Variants in LRP1B observed in about 807,000 individuals in gnomAD.
LRP1B encodes the protein low-density lipoprotein receptor-related protein 1B.
In LRP1B, 217 loss-of-function variants were observed where a neutral mutation model predicts 556.6. The observed-to-expected ratio is 0.39, with a 90% CI of 0.35 to 0.44. LRP1B has a LOEUF of 0.44. Ranked by LOEUF, LRP1B falls within the 20% of genes least tolerant of loss-of-function variation. LRP1B has a pLI of 1.00. For missense variants in LRP1B, 5,053 were observed against 5,620.8 expected, an observed-to-expected ratio of 0.90 and a Z score of 3.23; for synonymous variants, 2,047 against 1,865.8, an observed-to-expected ratio of 1.10 and a Z score of -2.50.
chr2:140,321,898 C>T (rs2105052777), intron 82 of LRP1B, 65 bp downstream of exon 82: 1 of 1,476,340 alleles, frequency 6.8e-7, no homozygotes, highest in Non-Finnish European at 9.3e-7. Flanking sequence ...CACTCCATTT[C>T]ACGAGGTGTG....
At chr2:140,728,596 T>C (rs1288095770) in intron 35 of LRP1B, among the ~76,000 whole-genome samples, 3 of 152,164 alleles carry the variant, frequency 2.0e-5, no homozygotes, top group Non-Finnish European at 4.4e-5. Flanking sequence ...GTTCGGTTTC[T>C]AAACTATGCC....
chr2:140,533,694 A>G (rs1383047629), intron 47 of LRP1B, among the ~76,000 whole-genome samples: 1 of 152,176 alleles, frequency 6.6e-6, no homozygotes, highest in Non-Finnish European at 1.5e-5. Flanking sequence ...AAAACAGAGA[A>G]CTAAGGAATA....
At chr2:141,112,068 A>ACATACAT (rs1244324922) in intron 7 of LRP1B, among the ~76,000 whole-genome samples, 3,067 of 107,516 alleles carry the variant, frequency 0.029, 42 homozygotes, top group Admixed American at 0.041. Flanking sequence ...ATAAATAAAT[A>ACATACAT]AATAATAAAT....
At chr2:140,972,255 T>C (rs775447991) in intron 18 of LRP1B, among the ~76,000 whole-genome samples, 2 of 152,036 alleles carry the variant, frequency 1.3e-5, no homozygotes, top group Non-Finnish European at 2.9e-5. Flanking sequence ...AGCTAAAATA[T>C]AAAAGTATGG....
intron 2 of LRP1B, among the ~76,000 whole-genome samples, chr2:141,782,821 A>G (rs1695308371): frequency 6.6e-6 from 1 of 152,064 alleles, no homozygotes; most frequent in African/African-American, 2.4e-5. Context: ...AATTCAGATC[A>G]ATAAATTTTA....
At chr2:140,796,546 T>C (rs892172574) in intron 32 of LRP1B, among the ~76,000 whole-genome samples, 1 of 152,108 alleles carries the variant, frequency 6.6e-6, no homozygotes, top group Admixed American at 6.5e-5. Context: ...AACTATGTAC[T>C]GTACTTAGTG....
chr2:141,846,424 T>G (rs981685353), intron 1 of LRP1B, among the ~76,000 whole-genome samples: 96 of 151,712 alleles, frequency 6.3e-4, no homozygotes, highest in African/African-American at 2.0e-3. Flanking sequence ...TTCCCAAGAT[T>G]GTATAGATAT....
At chr2:141,514,063 T>C (rs1684221247) in intron 2 of LRP1B, among the ~76,000 whole-genome samples, 1 of 152,314 alleles carries the variant, frequency 6.6e-6, no homozygotes, top group East Asian at 1.9e-4. Context: ...GTGGTCATTC[T>C]GGATATCCAC....
intron 84 of LRP1B, among the ~76,000 whole-genome samples, chr2:140,278,140 T>C (rs913855245): frequency 2.0e-5 from 3 of 151,920 alleles, no homozygotes; most frequent in African/African-American, 4.8e-5. Context: ...TACATTTTTA[T>C]ATTTATATAA....
At chr2:140,737,776 T>C (rs1687995008) in intron 35 of LRP1B, among the ~76,000 whole-genome samples, 1 of 152,160 alleles carries the variant, frequency 6.6e-6, no homozygotes, top group Non-Finnish European at 1.5e-5. Context: ...TACATCTCTG[T>C]TTAATTTGCC....
chr2:140,691,488 C>CAAAAA lies in LRP1B; in HGVS notation c.6799+8757_6799+8761dup, dbSNP rs35775292. 1.9e-3 allele frequency among the ~76,000 whole-genome samples: 174 copies of CAAAAA among 92,736 alleles called. 1 individual carries two copies. In the East Asian group the frequency reaches 0.023, roughly 12 times the overall value. The allele number at this position is 92,736 out of a possible 152,430, so 60.8% of individuals were successfully genotyped here. The stretch of plus-strand genomic sequence containing the variant: ...GGCAACGAGAGCAAAAACTCCACCT[C>CAAAAA]AAAAAAAAAAAAAAAAAGTGAAGTA... On this transcript the variant is annotated intron_variant, in intron 41 of 90. Transcript: ENST00000389484.
intron 87 of LRP1B, among the ~76,000 whole-genome samples, chr2:140,241,351 T>C (rs1407961728): frequency 6.6e-6 from 1 of 150,896 alleles, no homozygotes; most frequent in Non-Finnish European, 1.5e-5. Context: ...TTTACAAATA[T>C]ATCTACTTCA....
rs1331326918 is a variant in LRP1B at position 140,325,769 on chromosome 2, G to A, written c.12333C>T (p.Ser4111=). The A allele has an allele frequency of 1.2e-6, 2 of 1,606,906 alleles. No individual in the cohort carries two copies. Among genetic ancestry groups the A allele is most frequent in the South Asian group, 2.2e-5 (2 of 90,304 alleles). Residue 4111 remains serine, a synonymous_variant, in exon 80 of 91, where the codon AGC becomes AGT. Coordinates refer to ENST00000389484, the MANE Select transcript of LRP1B (RefSeq NM_018557.3). Reference sequence around the variant, plus strand: ...CAAAAGCACTTCACAAACCTTGTTTGCTGCTGACAGAGACTACTGAATTAG... The same window carrying A: ...CAAAAGCACTTCACAAACCTTGTTTACTGCTGACAGAGACTACTGAATTAG... ...DGSNSVVSVS[S]KQGLLHPHRI...
At chr2:140,329,576 T>C (rs954370532) in intron 79 of LRP1B, among the ~76,000 whole-genome samples, 1 of 151,866 alleles carries the variant, frequency 6.6e-6, no homozygotes, top group African/African-American at 2.4e-5. Context: ...TATGCAAAAA[T>C]CACAAGCATT....
intron 3 of LRP1B, among the ~76,000 whole-genome samples, chr2:141,317,041 T>G (rs1263297238): frequency 2.0e-5 from 3 of 152,200 alleles, no homozygotes; most frequent in Non-Finnish European, 4.4e-5. Context: ...AAGCTTTTCC[T>G]CTTGCACTGG....
intron 66 of LRP1B, among the ~76,000 whole-genome samples, chr2:140,397,065 A>T (rs1684286006): frequency 6.6e-6 from 1 of 152,218 alleles, no homozygotes; most frequent in South Asian, 2.1e-4. Context: ...TCCCCATCTG[A>T]GATATATGGA....
At chr2:140,505,698 G>A (rs1397850306) in intron 53 of LRP1B, among the ~76,000 whole-genome samples, 1 of 152,106 alleles carries the variant, frequency 6.6e-6, no homozygotes, top group Non-Finnish European at 1.5e-5. Flanking sequence ...AAGACTTCAC[G>A]CTGAAATAAT....
At chr2:142,011,021 C>T (rs141469568) in intron 1 of LRP1B, among the ~76,000 whole-genome samples, 2 of 152,154 alleles carry the variant, frequency 1.3e-5, no homozygotes, top group Non-Finnish European at 2.9e-5. Context: ...ATTCCTCCTT[C>T]TAGTGAGGCT....
chr2:140,488,643 C>T (rs1688575526), intron 57 of LRP1B, among the ~76,000 whole-genome samples: 1 of 151,898 alleles, frequency 6.6e-6, no homozygotes, highest in South Asian at 2.1e-4. Context: ...ACATTTACTA[C>T]CTTAAGGACT....
Sources: allele counts gnomAD v4.1 joint callset (sites outside exome capture counted in the v4.1 genomes callset), GRCh38; gene constraint gnomAD v4.1.1; transcripts MANE v1.5; gene names NCBI Gene and HGNC (gene_info 2026-07-23, HGNC 2026-07-21).